NLGN4X: variants seen among roughly 807,000 people sequenced by gnomAD.
NLGN4X encodes neuroligin-4, X-linked.
In NLGN4X, 3 loss-of-function variants were observed where a neutral mutation model predicts 40.3. That is an observed-to-expected ratio of 0.07 (90% confidence interval 0.03 to 0.19). The LOEUF (loss-of-function observed/expected upper bound fraction) is 0.19. NLGN4X is among the 10% of genes least tolerant of loss of function. NLGN4X has a pLI of 1.00. For missense variants in NLGN4X, 382 were observed against 708.3 expected (o/e 0.54, Z 5.23); for synonymous variants, 270 against 306.8 (o/e 0.88, Z 1.25).
At chrX:5,920,967 A>G (rs1041235413) in intron 3 of NLGN4X, among the ~76,000 whole-genome samples, 10 of 110,387 alleles carry the variant, frequency 9.1e-5, no homozygotes, top group Non-Finnish European at 1.9e-4. Flanking sequence ...GTGCAAGAAG[A>G]CAACGGCTGG....
chrX:6,153,482 G>C (rs757467225), intron 1 of NLGN4X, among the ~76,000 whole-genome samples: 16 of 112,242 alleles, frequency 1.4e-4, no homozygotes, highest in Admixed American at 1.9e-4. Context: ...AGACAGACAA[G>C]AAAAACAAAG....
intron 2 of NLGN4X, among the ~76,000 whole-genome samples, chrX:6,122,405 A>G (rs1474112727): frequency 1.8e-5 from 2 of 110,313 alleles, no homozygotes; most frequent in African/African-American, 6.6e-5. Flanking sequence ...TGCCCAGGTA[A>G]TTTTTGTATT....
At chrX:6,138,605 G>A (rs896495334) in intron 2 of NLGN4X, among the ~76,000 whole-genome samples, 1 of 111,720 alleles carries the variant, frequency 9.0e-6, no homozygotes, top group Non-Finnish European at 1.9e-5. Flanking sequence ...AATGCTCTGG[G>A]TCTTCAAAGG....
intron 3 of NLGN4X, among the ~76,000 whole-genome samples, chrX:6,013,449 G>A (rs2036306634): frequency 9.1e-6 from 1 of 109,754 alleles, no homozygotes; most frequent in Non-Finnish European, 1.9e-5. Context: ...TTTTTAATTA[G>A]CTTGCATTTT....
intron 1 of NLGN4X, among the ~76,000 whole-genome samples, chrX:6,220,022 T>TA (rs1382601445): frequency 9.0e-6 from 1 of 111,013 alleles, no homozygotes; most frequent in Non-Finnish European, 1.9e-5. Context: ...TTTTTTTTTT[T>TA]ATGTGGTAGT....
chrX:6,205,499 C>T (rs758763863), intron 1 of NLGN4X, among the ~76,000 whole-genome samples: 1 of 112,284 alleles, frequency 8.9e-6, no homozygotes, highest in Non-Finnish European at 1.9e-5. Context: ...AGATCTCTTC[C>T]CAGATAAGAA....
chrX:6,212,588 C>T (rs191792789), intron 1 of NLGN4X, among the ~76,000 whole-genome samples: 2 of 111,819 alleles, frequency 1.8e-5, no homozygotes, highest in Non-Finnish European at 3.8e-5. Context: ...GAAAGCCCCA[C>T]TCTTAAGCTG....
At chrX:6,091,783 CAA>C (rs1197809005) in intron 2 of NLGN4X, among the ~76,000 whole-genome samples, 3 of 111,770 alleles carry the variant, frequency 2.7e-5, no homozygotes, top group Non-Finnish European at 5.6e-5. Flanking sequence ...TTAAGAAAAA[CAA>C]AAGAGAAAAA....
At chrX:5,906,221 A>G (rs1400053333) in intron 4 of NLGN4X, among the ~76,000 whole-genome samples, 1 of 112,016 alleles carries the variant, frequency 8.9e-6, no homozygotes, top group Non-Finnish European at 1.9e-5. Context: ...CTCTCTACCA[A>G]ATGGTTCATC....
chrX:6,015,841 C>A (rs2036382289), intron 3 of NLGN4X, among the ~76,000 whole-genome samples: 1 of 111,751 alleles, frequency 8.9e-6, no homozygotes, highest in Admixed American at 9.5e-5. Flanking sequence ...AGTAAGTGGA[C>A]AAGCCTGCTT....
intron 3 of NLGN4X, among the ~76,000 whole-genome samples, chrX:6,002,604 C>T (rs1348008323): frequency 1.8e-5 from 2 of 112,232 alleles, no homozygotes; most frequent in East Asian, 2.8e-4. Context: ...AATACAAAAC[C>T]GATAGGGACA....
chrX:6,137,588 T>C (rs1010907877), intron 2 of NLGN4X, among the ~76,000 whole-genome samples: 8 of 111,581 alleles, frequency 7.2e-5, no homozygotes, highest in East Asian at 5.7e-4. Flanking sequence ...CTCAAAGAAA[T>C]TGATTCCTCT....
At chrX:6,021,002 TTCTCTCTCTCTC>T (rs869309615) in intron 3 of NLGN4X, among the ~76,000 whole-genome samples, 77 of 24,075 alleles carry the variant, frequency 3.2e-3, no homozygotes, top group Admixed American at 4.7e-3. Flanking sequence ...CTTCCTTCTT[TTCTCTCTCTCTC>T]TCTCTCTCTC....
At chrX:6,041,860 G>A (rs1356535355) in intron 2 of NLGN4X, among the ~76,000 whole-genome samples, 1 of 112,496 alleles carries the variant, frequency 8.9e-6, no homozygotes, top group Non-Finnish European at 1.9e-5. Flanking sequence ...TAACAGCTAT[G>A]ACAACCAGTG....
chrX:6,189,475 T>G (rs1922355215), intron 1 of NLGN4X, among the ~76,000 whole-genome samples: 1 of 112,364 alleles, frequency 8.9e-6, no homozygotes, highest in Non-Finnish European at 1.9e-5. Context: ...AGAGACATAC[T>G]GATAATGCCC....
chrX:5,944,911 C>T (rs911760014), intron 3 of NLGN4X, among the ~76,000 whole-genome samples: 2 of 111,070 alleles, frequency 1.8e-5, no homozygotes, highest in Admixed American at 9.6e-5. Context: ...CATGCTTTGT[C>T]GTGTAAACTA....
At chrX:6,122,246 A>AT (rs1205523911) in intron 2 of NLGN4X, among the ~76,000 whole-genome samples, 3 of 109,881 alleles carry the variant, frequency 2.7e-5, no homozygotes, top group African/African-American at 9.9e-5. Context: ...TTTGTTTTTT[A>AT]TTTTTTTCTT....
intron 2 of NLGN4X, among the ~76,000 whole-genome samples, chrX:6,083,678 A>C (rs766618792): frequency 2.2e-4 from 25 of 112,529 alleles, no homozygotes; most frequent in Non-Finnish European, 4.7e-4. Flanking sequence ...ACATCCATTT[A>C]CATAAGTGCT....
chrX:6,048,405 T>C (rs1231625754), intron 2 of NLGN4X, among the ~76,000 whole-genome samples: 1 of 111,452 alleles, frequency 9.0e-6, no homozygotes, highest in South Asian at 3.8e-4. Context: ...AAGTTAAGAA[T>C]GGGGAAGGTA....
Sources: gnomAD v4.1 joint callset for allele counts (sites outside exome capture counted in the v4.1 genomes callset) on GRCh38, gnomAD v4.1.1 for gene constraint, MANE v1.5 for transcripts, NCBI Gene and HGNC (gene_info 2026-07-23, HGNC 2026-07-21) for gene names.